Variants in MRPL48 observed in about 807,000 individuals in gnomAD.
MRPL48 encodes mitochondrial ribosomal protein L48.
MRPL48 carries 16 observed loss-of-function variants against 32.9 expected under a neutral mutation model. The ratio of observed to expected loss-of-function variants is 0.49; its 90% CI spans 0.33 to 0.74. The LOEUF (loss-of-function observed/expected upper bound fraction) is 0.74, where lower values mean the gene tolerates loss of function less well. MRPL48 is among the 30% of genes least tolerant of loss of function. MRPL48 has a pLI of 0.02. For missense variants in MRPL48, 206 were observed against 245.3 expected (o/e 0.84, Z 1.07); for synonymous variants, 94 against 89.2 (o/e 1.05, Z -0.31).
intron 3 of MRPL48, among the ~76,000 whole-genome samples, chr11:73,822,351 T>C (rs1947798829): frequency 6.6e-6 from 1 of 152,226 alleles, no homozygotes; most frequent in Admixed American, 6.5e-5. Context: ...ATTGCTCACG[T>C]GTCCATTAAA....
chr11:73,792,722 T>A (rs1230060583), intron 1 of MRPL48, among the ~76,000 whole-genome samples: 3 of 152,218 alleles, frequency 2.0e-5, no homozygotes, highest in African/African-American at 7.2e-5. Flanking sequence ...GGAGCTTTTC[T>A]ATTTTGTTAA....
rs139301139 is a variant in MRPL48 at position 73,865,026 on chromosome 11, C to T, written c.*656C>T. The T allele has an allele frequency of 3.2e-3, 495 of 152,594 alleles. 4 individuals are homozygous for T. Among genetic ancestry groups the T allele is most frequent in the Non-Finnish European group, 4.7e-3 (324 of 68,298 alleles). 9.5% of individuals were successfully genotyped at this position (152,594 alleles called of 1,614,324 possible). ...CAAGATGGTCTCGATCTCCTGACCT[C>T]GTGATCCGCCAGCCTTGGCCTCCCA... On this transcript the variant is annotated 3_prime_UTR_variant, in exon 8 of 8. Transcript: ENST00000310614.
intron 1 of MRPL48, among the ~76,000 whole-genome samples, chr11:73,788,508 CTG>C (rs1379819084): frequency 1.7e-5 from 2 of 117,120 alleles, no homozygotes; most frequent in African/African-American, 6.8e-5. Flanking sequence ...GGATTTCGCT[CTG>C]TTGCCCAGGC....
intron 2 of MRPL48, among the ~76,000 whole-genome samples, chr11:73,806,572 G>C (rs1243835072): frequency 6.6e-6 from 1 of 152,012 alleles, no homozygotes; most frequent in East Asian, 1.9e-4. Context: ...ATGTTTAACT[G>C]TCTTTCCTTG....
intron 1 of MRPL48, among the ~76,000 whole-genome samples, chr11:73,804,122 C>T (rs1947404693): frequency 6.6e-6 from 1 of 151,856 alleles, no homozygotes; most frequent in African/African-American, 2.4e-5. Flanking sequence ...GTTTCACAAT[C>T]TTGGCCGGGC....
chr11:73,793,681 G>A lies in MRPL48; in HGVS notation c.21+5689G>A, dbSNP rs528657611. Among the ~76,000 whole-genome samples the A allele has an allele frequency of 5.3e-5, 8 of 152,036 alleles. No individual in the cohort carries two copies. The East Asian group carries it at 9.8e-4, about 19-fold the overall frequency. On this transcript the variant is annotated intron_variant, in intron 1 of 7. Transcript: ENST00000310614. ...AGAGAAGCACTGGGGTGTAGATTAC[G>A]GGAGAGTATGCAGAGAAATAGTATG...
chr11:73,849,936 T>TA (rs1250538473), intron 5 of MRPL48, among the ~76,000 whole-genome samples: 2 of 151,996 alleles, frequency 1.3e-5, no homozygotes, highest in Non-Finnish European at 1.5e-5. Flanking sequence ...TGTCTCTACA[T>TA]AAAAAATACA....
chr11:73,788,021 CGGGGAGATGGCGGACGGTGCAGAGA>C (rs148301540), intron 1 of MRPL48, 29 bp downstream of exon 1: 75,314 of 1,580,944 alleles, frequency 0.048, 1,979 homozygotes, highest in South Asian at 0.063. Context: ...ACGCGGGGCG[CGGGGAGATGGCGGACGGTGCAGAGA>C]GGGGAGATGG....
intron 3 of MRPL48, among the ~76,000 whole-genome samples, chr11:73,812,069 G>T (rs547971815): frequency 4.6e-4 from 70 of 152,154 alleles, no homozygotes; most frequent in African/African-American, 1.7e-3. Context: ...GTATTTTTTA[G>T]TAGAGATGGG....
chr11:73,843,339 C>T (rs1414087729), intron 4 of MRPL48: 1 of 151,754 alleles, frequency 6.6e-6, no homozygotes, highest in African/African-American at 2.4e-5. Context: ...ATTCTCCTGC[C>T]TCAGTCTCCT....
At chr11:73,851,784 G>A (rs1055433604) in intron 5 of MRPL48, among the ~76,000 whole-genome samples, 3 of 152,106 alleles carry the variant, frequency 2.0e-5, no homozygotes, top group East Asian at 3.9e-4. Context: ...GTGGTATACA[G>A]TTGCTAAATT....
intron 1 of MRPL48, among the ~76,000 whole-genome samples, chr11:73,803,162 C>T (rs1947387681): frequency 1.3e-5 from 2 of 152,090 alleles, no homozygotes; most frequent in Admixed American, 6.6e-5. Context: ...GAGTCTTGCT[C>T]TGTTGCCCAG....
intron 3 of MRPL48, among the ~76,000 whole-genome samples, chr11:73,818,982 C>T (rs916567432): frequency 6.6e-6 from 1 of 152,172 alleles, no homozygotes; most frequent in Non-Finnish European, 1.5e-5. Context: ...TAAGGAGTTG[C>T]CTTTTCTCTC....
intron 3 of MRPL48, among the ~76,000 whole-genome samples, chr11:73,809,021 T>C (rs1027212608): frequency 2.0e-5 from 3 of 151,972 alleles, no homozygotes; most frequent in Non-Finnish European, 4.4e-5. Context: ...GGCACAGGCT[T>C]GTGATCCTAC....
intron 4 of MRPL48, among the ~76,000 whole-genome samples, chr11:73,834,544 T>G (rs12804884): frequency 6.6e-6 from 1 of 151,186 alleles, no homozygotes; most frequent in African/African-American, 2.4e-5. Context: ...TTTTTTGTTT[T>G]TTTTTTTGAG....
Position 73,864,795 on chromosome 11 carries a change from C to CTT in MRPL48, c.*436_*437dup, listed in dbSNP as rs1277066784. 16 of 162,364 alleles carry CTT rather than the reference C, an allele frequency of 9.9e-5. No individual in the cohort carries two copies. Among genetic ancestry groups the CTT allele is most frequent in the South Asian group, 4.9e-4 (3 of 6,182 alleles). The allele number at this position is 162,364 out of a possible 1,614,324, so 10.1% of individuals were successfully genotyped here. A position where few individuals can be genotyped will look rare whatever the true frequency, so the allele number is the denominator to read the frequency against. ...ACATTCTGTCTTTACCAAAAACATT[C>CTT]TTTTTTTTTTTTCCGAAACGGAGTC... On this transcript the variant is annotated 3_prime_UTR_variant, in exon 8 of 8. Transcript: ENST00000310614.
At chr11:73,854,316 C>T (rs1948451984) in intron 5 of MRPL48, among the ~76,000 whole-genome samples, 1 of 152,208 alleles carries the variant, frequency 6.6e-6, no homozygotes, top group African/African-American at 2.4e-5. Flanking sequence ...GTCAGTCTTG[C>T]TCTGTCGCCC....
chr11:73,807,919 G>A (rs1284962559), intron 2 of MRPL48, among the ~76,000 whole-genome samples: 6 of 152,326 alleles, frequency 3.9e-5, no homozygotes, highest in South Asian at 2.1e-4. Context: ...GATTACAGGC[G>A]TGAGCCGCTG....
chr11:73,788,312 C>A (rs1049278504), intron 1 of MRPL48, among the ~76,000 whole-genome samples: 15 of 152,100 alleles, frequency 9.9e-5, no homozygotes, highest in African/African-American at 3.1e-4. Context: ...TCCCGATTAA[C>A]TGTGTGACCT....
Sources: allele counts gnomAD v4.1 joint callset (sites outside exome capture counted in the v4.1 genomes callset), GRCh38; gene constraint gnomAD v4.1.1; transcripts MANE v1.5; gene names NCBI Gene and HGNC (gene_info 2026-07-23, HGNC 2026-07-21).